The following CPT1A variants were observed in gnomAD, a reference collection of about 807,000 sequenced individuals.
CPT1A encodes the protein carnitine O-palmitoyltransferase 1, liver isoform.
Under a neutral mutation model 100.8 loss-of-function variants are expected in CPT1A, and 64 were observed. The observed-to-expected ratio is 0.63, with a 90% CI of 0.52 to 0.78. The LOEUF is 0.78. Ranked by LOEUF, CPT1A falls within the 30% of genes least tolerant of loss-of-function variation. The probability of loss-of-function intolerance (pLI) is 0.00; values close to 1 mark genes in which losing one functional copy is unlikely to be tolerated. For synonymous variants in CPT1A, 363 were observed against 396.0 expected (o/e 0.92, Z 0.99); for missense variants, 802 against 1,034.1 (o/e 0.78, Z 3.08).
At chr11:68,832,971 G>A (rs186355625) in intron 1 of CPT1A, among the ~76,000 whole-genome samples, 36 of 152,338 alleles carry the variant, frequency 2.4e-4, no homozygotes, top group African/African-American at 8.2e-4. Flanking sequence ...CAGTGTCTCT[G>A]GCGAAGGGCA....
intron 1 of CPT1A, among the ~76,000 whole-genome samples, chr11:68,822,023 TG>T (rs1328979740): frequency 5.3e-5 from 8 of 152,154 alleles, no homozygotes; most frequent in African/African-American, 1.9e-4. Flanking sequence ...TTCTCATGCA[TG>T]GCTGGTCAAA....
chr11:68,833,994 C>T (rs755945592), intron 1 of CPT1A, among the ~76,000 whole-genome samples: 10 of 152,118 alleles, frequency 6.6e-5, no homozygotes, highest in Non-Finnish European at 1.3e-4. Flanking sequence ...CTGGAGCTTT[C>T]ATTATGAAAG....
intron 9 of CPT1A, among the ~76,000 whole-genome samples, chr11:68,790,339 G>A (rs1264506189): frequency 6.6e-6 from 1 of 152,210 alleles, no homozygotes; most frequent in Non-Finnish European, 1.5e-5. Flanking sequence ...CCAATGTGCT[G>A]GGATTACAGG....
chr11:68,838,976 G>A (rs1566395233), intron 1 of CPT1A, among the ~76,000 whole-genome samples: 1 of 152,122 alleles, frequency 6.6e-6, no homozygotes, highest in African/African-American at 2.4e-5. Flanking sequence ...GAAGACAAGT[G>A]AGGCCTCTTT....
intron 14 of CPT1A, among the ~76,000 whole-genome samples, chr11:68,765,331 T>C (rs945451667): frequency 6.6e-6 from 1 of 152,132 alleles, no homozygotes; most frequent in Non-Finnish European, 1.5e-5. Flanking sequence ...AAGACAGCCA[T>C]CTAAAAAACT....
chr11:68,813,613 G>T (rs1167619791), intron 2 of CPT1A, among the ~76,000 whole-genome samples: 3 of 149,882 alleles, frequency 2.0e-5, no homozygotes, highest in Non-Finnish European at 4.4e-5. Flanking sequence ...GAGACAGGAG[G>T]ATTGCCTGAG....
At chr11:68,761,744 G>A (rs556816499) in intron 15 of CPT1A, 57 bp from the exon 16 acceptor site, 19 of 1,596,546 alleles carry the variant, frequency 1.2e-5, no homozygotes, top group East Asian at 6.7e-5. Flanking sequence ...GAGCAGTTAC[G>A]GATCTAAGTT....
At chr11:68,834,985 C>T (rs972534013) in intron 1 of CPT1A, among the ~76,000 whole-genome samples, 14 of 125,366 alleles carry the variant, frequency 1.1e-4, no homozygotes, top group South Asian at 2.9e-4. Flanking sequence ...GGCGATAGGG[C>T]GAGACTCCAT....
intron 14 of CPT1A, 143 bp downstream of exon 14, chr11:68,773,122 G>A (rs1855037493): frequency 6.8e-7 from 1 of 1,467,410 alleles, no homozygotes; most frequent in Admixed American, 2.3e-5. Flanking sequence ...ACGCCACCCG[G>A]CCCCCGGAGA....
At chr11:68,787,715 G>C (rs1675549932) in intron 9 of CPT1A, among the ~76,000 whole-genome samples, 1 of 151,988 alleles carries the variant, frequency 6.6e-6, no homozygotes, top group African/African-American at 2.4e-5. Context: ...GCCGAGGTGG[G>C]CAGATCGCCT....
intron 14 of CPT1A, among the ~76,000 whole-genome samples, chr11:68,764,610 G>A (rs1286855107): frequency 1.3e-5 from 2 of 152,152 alleles, no homozygotes; most frequent in African/African-American, 2.4e-5. Context: ...AGCCGGGGAA[G>A]GCCTGGCACC....
At position 68,798,506 on chromosome 11, in the gene CPT1A, G is replaced by A. The variant is rs540437693; in HGVS notation, c.693+712C>T. ...GACTCCCTCCCTTGCTTTGTCTGCC[G>A]GAGGCCTGCTCTTGCCCTCCCAGTA... On this transcript the variant is annotated intron_variant, in intron 6 of 18. Coordinates refer to ENST00000265641, the MANE Select transcript of CPT1A (RefSeq NM_001876.4). Among the ~76,000 whole-genome samples the A allele has an allele frequency of 1.7e-4, 26 of 152,110 alleles. No homozygotes were observed. In the East Asian group the frequency reaches 4.6e-3, roughly 27 times the overall value.
At position 68,807,684 on chromosome 11, in the gene CPT1A, C is replaced by T. The variant is rs17848446; in HGVS notation, c.282-46G>A. 7.1e-4 allele frequency: 1,129 copies of T among 1,595,746 alleles called. 10 individuals are homozygous for T. In the East Asian group the frequency reaches 9.1e-3, roughly 13 times the overall value. On this transcript the variant is annotated intron_variant, in intron 3 of 18. Transcript: ENST00000265641. ...AAGGGAGGCTGTGCGTGAGGCCACA[C>T]GGTGCCACCAACACCACCGGTGACG... is the stretch of plus-strand genomic sequence containing the variant.
rs142954613 is a variant in CPT1A at position 68,796,910 on chromosome 11, G to A, written c.717C>T (p.Tyr239=). ...GCGGCCCTCGTCCTCGGAGGTAGAT[G>A]TACTCCTCCCACCAGTCGCTCACCT... is the stretch of plus-strand genomic sequence containing the variant. ...TNYVSDWWEE[Y]IYLRGRGPLM... Residue 239 remains tyrosine, a synonymous_variant, in exon 7 of 19, where the codon TAC becomes TAT. Transcript: ENST00000265641. 1.8e-5 allele frequency: 29 copies of A among 1,614,060 alleles called. No individual in the cohort carries two copies. In the African/African-American group the frequency reaches 2.3e-4, roughly 13 times the overall value.
At chr11:68,800,214 C>T (rs529920472) in intron 5 of CPT1A, among the ~76,000 whole-genome samples, 37 of 152,252 alleles carry the variant, frequency 2.4e-4, no homozygotes, top group African/African-American at 7.9e-4. Flanking sequence ...TCAGGGTTTC[C>T]AGCCCCCACC....
At position 68,759,606 on chromosome 11, in the gene CPT1A, T is replaced by C. The variant is rs151271754; in HGVS notation, c.2198A>G (p.Asn733Ser). ...SYILVGENLI[N>S]FHISSKFSCP... is the part of the protein sequence containing the mutation. Reference sequence around the variant, plus strand: ...AGAGAACTTGGAAGAAATGTGGAAATTGATGAGGTTCTCTCCCACAAGGAT... The same window carrying C: ...AGAGAACTTGGAAGAAATGTGGAAACTGATGAGGTTCTCTCCCACAAGGAT... The change falls in exon 18 of 19, where the codon AAT (asparagine) becomes AGT (serine). Residue 733 changes from asparagine (N) to serine (S), a missense_variant. Around this residue, in one of 4 missense-constraint regions of CPT1A, gnomAD observed 627 missense variants for 799.3 expected, o/e 0.78. Coordinates refer to ENST00000265641, the MANE Select transcript of CPT1A (RefSeq NM_001876.4). 4,314 of 1,613,760 alleles carry C rather than the reference T, an allele frequency of 2.7e-3. 8 individuals carry two copies. The highest frequency in any genetic ancestry group is 3.4e-3 in the Non-Finnish European group (3,973 of 1,179,728).
intron 2 of CPT1A, among the ~76,000 whole-genome samples, chr11:68,813,724 G>A (rs1287698848): frequency 2.0e-5 from 3 of 150,998 alleles, no homozygotes; most frequent in African/African-American, 7.3e-5. Flanking sequence ...GAGGGGAGGG[G>A]AGAGGGAGAA....
In CPT1A at chr11:68,807,480, G is replaced by A. The variant is rs760683406; in HGVS notation, c.440C>T (p.Thr147Ile). 3.1e-6 allele frequency: 5 copies of A among 1,613,938 alleles called. No individual in the cohort carries two copies. Among genetic ancestry groups the A allele is most frequent in the Admixed American group, 3.3e-5 (2 of 59,968 alleles). Residue 147 changes from threonine to isoleucine, a missense_variant, in exon 4 of 19, where the codon ACC becomes ATC. Thr to Ile is a moderately conservative substitution (Grantham distance 89). Around this residue, in one of 4 missense-constraint regions of CPT1A, gnomAD observed 161 missense variants for 183.7 expected, o/e 0.88. Coordinates refer to ENST00000265641, the MANE Select transcript of CPT1A (RefSeq NM_001876.4). ...FTEHGKMSRA[T>I]KIWMGMVKIF... The stretch of plus-strand genomic sequence containing the variant: ...ACACGCAATTACCATCCAGATCTTG[G>A]TGGCACGACTCATCTTGCCGTGCTC...
intron 9 of CPT1A, 31 bp from the exon 10 acceptor site, chr11:68,785,041 C>G: frequency 6.2e-7 from 1 of 1,604,500 alleles, no homozygotes; most frequent in Non-Finnish European, 8.5e-7. Flanking sequence ...AGACACAAAA[C>G]CAAGAGTCCC....
Sources: allele counts gnomAD v4.1 joint callset (sites outside exome capture counted in the v4.1 genomes callset), GRCh38; gene constraint gnomAD v4.1.1; regional missense constraint gnomAD v4.1.1; transcripts MANE v1.5; gene names NCBI Gene and HGNC (gene_info 2026-07-23, HGNC 2026-07-21).